Variants in ASMTL observed in about 807,000 individuals in gnomAD.
The protein encoded by ASMTL is acetylserotonin O-methyltransferase like.
A neutral mutation model predicts 60.3 loss-of-function variants in ASMTL; 57 were observed. The ratio of observed to expected loss-of-function variants is 0.95; its 90% CI spans 0.76 to 1.18. The LOEUF (loss-of-function observed/expected upper bound fraction) is 1.18. Among genes scored for constraint, ASMTL ranks in the 50% most tolerant of loss-of-function variants. ASMTL has a pLI of 0.00. For synonymous variants in ASMTL, 419 were observed against 373.0 expected (o/e 1.12, Z -1.42); for missense variants, 981 against 852.6 (o/e 1.15, Z -1.88).
At chrX:1,428,869 C>G (rs1248908841) in intron 6 of ASMTL, among the ~76,000 whole-genome samples, 2 of 145,274 alleles carry the variant, frequency 1.4e-5, no homozygotes, top group Non-Finnish European at 3.0e-5. Flanking sequence ...GAGCCTTGAA[C>G]TTCTTCCTCC....
chrX:1,411,892 A>C (rs188843692), intron 12 of ASMTL, among the ~76,000 whole-genome samples: 2,359 of 136,846 alleles, frequency 0.017, 24 homozygotes, highest in Middle Eastern at 0.035. Flanking sequence ...GGCTCACTGC[A>C]ACCTCCGTCT....
intron 3 of ASMTL, among the ~76,000 whole-genome samples, chrX:1,436,175 G>T (rs1276311193): frequency 6.6e-6 from 1 of 152,220 alleles, no homozygotes; most frequent in East Asian, 1.9e-4. Flanking sequence ...TCACAGCCTC[G>T]TTCCTTTCCT....
intron 11 of ASMTL, 153 bp from the exon 12 acceptor site, chrX:1,413,007 G>T: frequency 1.2e-6 from 1 of 818,906 alleles, no homozygotes; most frequent in Non-Finnish European, 2.0e-6. Context: ...CATCCCCGTG[G>T]GGACTTGAAC....
At position 1,403,325 on chromosome X, in the gene ASMTL, C is replaced by T. The variant is rs1210116718; in HGVS notation, c.1810G>A (p.Val604Met). ...LELHGFHQVQ[V>M]VHLGGVLDAI... The stretch of plus-strand genomic sequence containing the variant: ...TCCAGGACACCCCCCAAGTGCACCA[C>T]CTGCACCTGGTGGAAGCCGTGCAGC... The change falls in exon 13 of 13, where the codon GTG (valine) becomes ATG (methionine). Residue 604 changes from valine to methionine, a missense_variant. Physicochemically the swap from Val to Met is conservative, Grantham distance 21 (BLOSUM62 1). Transcript: ENST00000381317. The T allele has an allele frequency of 6.2e-7, 1 of 1,613,220 alleles. No individual in the cohort carries two copies. Among genetic ancestry groups the T allele is most frequent in the Admixed American group, 1.7e-5 (1 of 59,988 alleles).
intron 11 of ASMTL, chrX:1,413,885 T>A (rs117563189): frequency 6.7e-6 from 1 of 148,396 alleles, no homozygotes; most frequent in Non-Finnish European, 1.5e-5. Context: ...GCGGGAAGGA[T>A]CCTCCCCTAG....
At chrX:1,430,854 A>G (rs1291348547) in intron 6 of ASMTL, among the ~76,000 whole-genome samples, 2 of 144,864 alleles carry the variant, frequency 1.4e-5, no homozygotes, top group Admixed American at 1.4e-4. Context: ...ATATATTTAT[A>G]TATTTATATA....
chrX:1,417,356 T>C, intron 11 of ASMTL, among the ~76,000 whole-genome samples: 1 of 147,068 alleles, frequency 6.8e-6, no homozygotes, highest in East Asian at 2.0e-4. Flanking sequence ...TGCACACACA[T>C]CACCTCACAG....
intron 9 of ASMTL, among the ~76,000 whole-genome samples, chrX:1,419,434 G>C (rs1207608908): frequency 6.6e-6 from 1 of 152,162 alleles, no homozygotes; most frequent in East Asian, 1.9e-4. Flanking sequence ...GGAGGCTCCG[G>C]GTGGCCCACA....
At chrX:1,403,794 TAGAA>T (rs1486606304) in intron 12 of ASMTL, among the ~76,000 whole-genome samples, 1 of 151,914 alleles carries the variant, frequency 6.6e-6, no homozygotes, top group Non-Finnish European at 1.5e-5. Context: ...GGTAGGTAGG[TAGAA>T]AGATGTATGG....
chrX:1,412,625 A>C, intron 12 of ASMTL, 107 bp downstream of exon 12: 1 of 1,497,950 alleles, frequency 6.7e-7, no homozygotes, highest in Non-Finnish European at 9.2e-7. Context: ...GGCCTCCCAA[A>C]GCGCTGGGAT....
chrX:1,414,544 C>G (rs1318289003), intron 11 of ASMTL, among the ~76,000 whole-genome samples: 1 of 152,068 alleles, frequency 6.6e-6, no homozygotes, highest in Non-Finnish European at 1.5e-5. Flanking sequence ...CCCATCTGTA[C>G]TAAAAATACA....
chrX:1,433,244 G>T (rs2149326917), intron 5 of ASMTL, among the ~76,000 whole-genome samples: 1 of 152,178 alleles, frequency 6.6e-6, no homozygotes, highest in South Asian at 2.1e-4. Context: ...CATCCGCAGG[G>T]GACCTTATGT....
chrX:1,450,716 C>G (rs2091345635), intron 1 of ASMTL, among the ~76,000 whole-genome samples: 1 of 143,254 alleles, frequency 7.0e-6, no homozygotes, highest in Non-Finnish European at 1.5e-5. Context: ...CCAACCCCAT[C>G]CCTAGGGGTT....
chrX:1,441,659 ATAT>A (rs202146540), intron 2 of ASMTL: 1,741 of 152,914 alleles, frequency 0.011, 40 homozygotes, highest in African/African-American at 0.039. Flanking sequence ...TTGCAAGAGA[ATAT>A]TATAACACAT....
At position 1,403,500 on chromosome X, in the gene ASMTL, C is replaced by G. The variant is rs374762234; in HGVS notation, c.1646-11G>C. 61 of 1,611,816 alleles carry G rather than the reference C, an allele frequency of 3.8e-5. No individual in the cohort carries two copies. Among genetic ancestry groups the G allele is most frequent in the Non-Finnish European group, 4.8e-5 (57 of 1,179,458 alleles). ...GCAGCAGGCCGGCCCCTGAGGGAGA[C>G]AGCAGAGAGCTGGAGTCCTGGCCAG... On this transcript the variant is annotated splice_polypyrimidine_tract_variant and intron_variant, in intron 12 of 12. Coordinates refer to ENST00000381317, the MANE Select transcript of ASMTL (RefSeq NM_004192.4).
At chrX:1,430,795 T>A (rs1292054970) in intron 6 of ASMTL, among the ~76,000 whole-genome samples, 1 of 147,474 alleles carries the variant, frequency 6.8e-6, no homozygotes, top group Non-Finnish European at 1.5e-5. Flanking sequence ...AAATTATTTA[T>A]ATAAATATAT....
chrX:1,453,681 A>T (rs1196762804), upstream of ASMTL: 2 of 141,108 alleles, frequency 1.4e-5, no homozygotes, highest in Non-Finnish European at 1.6e-5. Context: ...GGGAAGGTAG[A>T]GATAGGGGGT....
Position 1,403,425 on chromosome X carries a change from CAG to C in ASMTL, c.1708_1709del (p.Leu570AspfsTer11), listed in dbSNP as rs1429579026. On this transcript the variant is annotated frameshift_variant, in exon 13 of 13. Transcript: ENST00000381317. LOFTEE classifies it low-confidence loss of function (END_TRUNC). ...GCACCAGCATGTTCAGTGACTGCAT[CAG>C]GGCGCGCTGCGCCACCCTCTTCTCC... ...DEEKRVAQRA[L>X]MQSLNMLVQT... 1.4e-5 allele frequency: 23 copies of C among 1,613,328 alleles called. No individual in the cohort carries two copies. The highest frequency in any genetic ancestry group is 1.8e-5 in the Non-Finnish European group (21 of 1,179,854).
rs770368458 is a variant in ASMTL at position 1,450,433 on chromosome X, C to T, written c.93+2315G>A. Among the ~76,000 whole-genome samples the T allele has an allele frequency of 2.6e-5, 4 of 151,096 alleles. No homozygotes were observed. In the South Asian group the frequency reaches 8.4e-4, roughly 32 times the overall value. On this transcript the variant is annotated intron_variant, in intron 1 of 12. Transcript: ENST00000381317. ...TCCCAGGTCACTCCCCTCCCCCACC[C>T]CTAGGGGGTCCCGGGTTACTCTCCC... is the stretch of plus-strand genomic sequence containing the variant.
Sources: allele counts gnomAD v4.1 joint callset (sites outside exome capture counted in the v4.1 genomes callset), GRCh38; gene constraint gnomAD v4.1.1; transcripts MANE v1.5; gene names NCBI Gene and HGNC (gene_info 2026-07-23, HGNC 2026-07-21).